Variants in DENND1A observed in about 807,000 individuals in gnomAD.
DENND1A encodes DENN domain containing 1A.
A neutral mutation model predicts 113.7 loss-of-function variants in DENND1A; 51 were observed. That is an observed-to-expected ratio of 0.45 (90% CI 0.36 to 0.57). The LOEUF (loss-of-function observed/expected upper bound fraction) is 0.57, where lower values mean the gene tolerates loss of function less well. Among genes scored for constraint, DENND1A ranks in the 20% least tolerant of loss-of-function variants. The probability of loss-of-function intolerance (pLI) is 0.00; values close to 1 mark genes in which losing one functional copy is unlikely to be tolerated. For missense variants in DENND1A, 1,258 were observed against 1,395.9 expected (o/e 0.90, Z 1.57); for synonymous variants, 565 against 570.8 (o/e 0.99, Z 0.14).
chr9:123,394,832 C>A (rs1217270485), intron 21 of DENND1A, among the ~76,000 whole-genome samples: 1 of 152,206 alleles, frequency 6.6e-6, no homozygotes, highest in Admixed American at 6.5e-5. Flanking sequence ...CTGCCCCTCA[C>A]CCTGAGGACA....
At chr9:123,702,351 G>T (rs1021341813) in intron 5 of DENND1A, among the ~76,000 whole-genome samples, 7 of 152,136 alleles carry the variant, frequency 4.6e-5, no homozygotes, top group African/African-American at 1.7e-4. Flanking sequence ...TGGTATTCAA[G>T]AAGGGGTAGA....
chr9:123,903,688 A>G (rs1331877879), intron 1 of DENND1A, among the ~76,000 whole-genome samples: 1 of 152,222 alleles, frequency 6.6e-6, no homozygotes, highest in Non-Finnish European at 1.5e-5. Flanking sequence ...GCGCACCACG[A>G]TATTATATCC....
chr9:123,554,417 A>G (rs539400764), intron 13 of DENND1A, among the ~76,000 whole-genome samples: 1 of 151,974 alleles, frequency 6.6e-6, no homozygotes, highest in Non-Finnish European at 1.5e-5. Flanking sequence ...GGGTCTCTCT[A>G]TGTTGCCCAG....
intron 13 of DENND1A, among the ~76,000 whole-genome samples, chr9:123,462,772 G>C (rs1016957215): frequency 2.0e-5 from 3 of 152,108 alleles, no homozygotes; most frequent in Admixed American, 6.6e-5. Context: ...ACTCCAGCCT[G>C]GGCAACAAGA....
intron 9 of DENND1A, among the ~76,000 whole-genome samples, chr9:123,633,117 A>G (rs1397100922): frequency 4.6e-5 from 7 of 152,034 alleles, no homozygotes; most frequent in Non-Finnish European, 1.0e-4. Context: ...CATGTTGGCC[A>G]GGCTGGTCTC....
chr9:123,682,812 G>A (rs988276766), intron 5 of DENND1A, among the ~76,000 whole-genome samples: 2 of 152,164 alleles, frequency 1.3e-5, no homozygotes, highest in Non-Finnish European at 2.9e-5. Flanking sequence ...CACGCTTCCT[G>A]TCCCCCTTGG....
chr9:123,718,078 T>C (rs2067098023), intron 5 of DENND1A, among the ~76,000 whole-genome samples: 1 of 152,206 alleles, frequency 6.6e-6, no homozygotes, highest in Non-Finnish European at 1.5e-5. Flanking sequence ...AATTGGGAAA[T>C]GGCCTCCATC....
At chr9:123,392,794 C>T (rs529901072) in intron 21 of DENND1A, among the ~76,000 whole-genome samples, 5 of 152,252 alleles carry the variant, frequency 3.3e-5, no homozygotes, top group African/African-American at 1.2e-4. Context: ...AATTTGTAAT[C>T]TTTTATCCCT....
At chr9:123,615,272 A>G (rs2060597110) in intron 10 of DENND1A, among the ~76,000 whole-genome samples, 1 of 152,212 alleles carries the variant, frequency 6.6e-6, no homozygotes, top group African/African-American at 2.4e-5. Flanking sequence ...CAGATGGAAA[A>G]ACTAAGATTG....
chr9:123,703,545 C>G (rs910702381), intron 5 of DENND1A, among the ~76,000 whole-genome samples: 3 of 151,944 alleles, frequency 2.0e-5, no homozygotes, highest in African/African-American at 7.2e-5. Context: ...ATAGAAAAAT[C>G]ACTCAACCAC....
chr9:123,856,650 G>C (rs1844255651), intron 2 of DENND1A, among the ~76,000 whole-genome samples: 1 of 152,028 alleles, frequency 6.6e-6, no homozygotes, highest in Non-Finnish European at 1.5e-5. Context: ...CCATGCACGG[G>C]GTGTCAAAAT....
At chr9:123,472,944 T>C (rs1251489360) in intron 13 of DENND1A, among the ~76,000 whole-genome samples, 1 of 152,164 alleles carries the variant, frequency 6.6e-6, no homozygotes, top group African/African-American at 2.4e-5. Context: ...CAAGCTGCCC[T>C]GGGATGCTTC....
intron 1 of DENND1A, among the ~76,000 whole-genome samples, chr9:123,920,948 G>A (rs1208543193): frequency 6.6e-6 from 1 of 152,032 alleles, no homozygotes; most frequent in East Asian, 1.9e-4. Flanking sequence ...TAGACTATAG[G>A]CTTCCTTTCT....
chr9:123,550,593 A>G (rs982556462), intron 13 of DENND1A, among the ~76,000 whole-genome samples: 3 of 152,238 alleles, frequency 2.0e-5, no homozygotes, highest in African/African-American at 4.8e-5. Flanking sequence ...CTAAGCAGAA[A>G]AGGGGATGAA....
At chr9:123,659,633 C>A (rs142635665) in intron 8 of DENND1A, among the ~76,000 whole-genome samples, 71 of 152,300 alleles carry the variant, frequency 4.7e-4, no homozygotes, top group African/African-American at 1.7e-3. Context: ...ACATTTAATA[C>A]TTCATGAGTT....
chr9:123,381,943 G>A lies in DENND1A; in HGVS notation c.2702C>T (p.Ala901Val). 6.8e-7 allele frequency: 1 copy of A among 1,461,444 alleles called. No individual in the cohort carries two copies. The highest frequency in any genetic ancestry group is 9.1e-7 in the Non-Finnish European group (1 of 1,104,906). 90.5% of individuals were successfully genotyped at this position (1,461,444 alleles called of 1,614,324 possible). A position where few individuals can be genotyped will look rare whatever the true frequency, so the allele number is the denominator to read the frequency against. Residue 901 changes from alanine to valine, a missense_variant, in exon 24 of 24, where the codon GCA becomes GTA. This residue lies in a region of DENND1A where 1,159 missense variants were observed against 1,231.7 expected (regional missense o/e 0.94). Coordinates refer to ENST00000394215, the MANE Select transcript of DENND1A (RefSeq NM_001352964.2). This position sits in a 1 kb window ranked among gnomAD's most constrained non-coding sequence, Gnocchi z 4.7. ...PLNPFVPSMP[A>V]APPTLPLVST... ...GACCAGGGGCAGGGTGGGTGGGGCT[G>A]CTGGCATGGATGGGACAAAGGGGTT...
In DENND1A at chr9:123,639,790, A is replaced by C. The variant is rs556002661; in HGVS notation, c.619-9314T>G. 2.0e-5 allele frequency among the ~76,000 whole-genome samples: 3 copies of C among 152,046 alleles called. No individual in the cohort carries two copies. In the East Asian group the frequency reaches 5.8e-4, roughly 29 times the overall value. On this transcript the variant is annotated intron_variant, in intron 9 of 23. Transcript: ENST00000394215. Reference sequence around the variant, plus strand: ...GAAACTCCATCTCAAAAAAAAAAAAAAAAAAAACAAAAACAAAAAACAGCC... The same window carrying C: ...GAAACTCCATCTCAAAAAAAAAAAACAAAAAAACAAAAACAAAAAACAGCC...
chr9:123,848,140 T>G (rs889870638), intron 2 of DENND1A, among the ~76,000 whole-genome samples: 3 of 144,108 alleles, frequency 2.1e-5, no homozygotes, highest in African/African-American at 7.8e-5. Context: ...AGATGCCAAT[T>G]AAAGTTAAAT....
At chr9:123,723,117 C>A (rs4836944) in intron 5 of DENND1A, among the ~76,000 whole-genome samples, 1 of 152,258 alleles carries the variant, frequency 6.6e-6, no homozygotes. Context: ...ATGTGAGACA[C>A]GGAGTCAATG....
Sources: gnomAD v4.1 joint callset for allele counts (sites outside exome capture counted in the v4.1 genomes callset) on GRCh38, gnomAD v4.1.1 for gene constraint, gnomAD v4.1.1 regional missense constraint, Gnocchi (gnomAD v3.1) non-coding constraint, MANE v1.5 for transcripts, NCBI Gene and HGNC (gene_info 2026-07-23, HGNC 2026-07-21) for gene names.